PCDH15: variants seen among roughly 807,000 people sequenced by gnomAD.
The protein encoded by PCDH15 is protocadherin related 15.
In PCDH15, 129 loss-of-function variants were observed where a neutral mutation model predicts 178.5. That is an observed-to-expected ratio of 0.72 (90% CI 0.63 to 0.84). The LOEUF (loss-of-function observed/expected upper bound fraction) is 0.84, where lower values mean the gene tolerates loss of function less well. PCDH15 is among the 40% of genes least tolerant of loss of function. The pLI is 0.00. For missense variants in PCDH15, 2,230 were observed against 2,099.9 expected (o/e 1.06, Z -1.21); for synonymous variants, 800 against 732.0 (o/e 1.09, Z -1.50).
intron 15 of PCDH15, among the ~76,000 whole-genome samples, chr10:54,101,460 C>T (rs999379592): frequency 2.0e-5 from 3 of 152,134 alleles, no homozygotes; most frequent in Admixed American, 2.0e-4. Context: ...ACACAATTCA[C>T]AACTAATACT....
At chr10:54,085,903 G>A (rs2094507405) in intron 16 of PCDH15, among the ~76,000 whole-genome samples, 1 of 152,020 alleles carries the variant, frequency 6.6e-6, no homozygotes, top group African/African-American at 2.4e-5. Context: ...TTGCATTATA[G>A]CATAAAATAA....
At chr10:54,926,572 G>A (rs887172129) in intron 2 of PCDH15, among the ~76,000 whole-genome samples, 4 of 151,834 alleles carry the variant, frequency 2.6e-5, no homozygotes, top group Non-Finnish European at 5.9e-5. Flanking sequence ...CTTTGAATCT[G>A]GCTGGTGCTG....
chr10:53,886,578 T>C lies in PCDH15; in HGVS notation c.3501+16665A>G, dbSNP rs950715514. On this transcript the variant is annotated intron_variant, in intron 26 of 37. Coordinates refer to ENST00000644397, the MANE Select transcript of PCDH15 (RefSeq NM_001384140.1). ...GGGGCAGGAGCTGCTAGTCGTTTCC[T>C]GCCCACATGTATGCCTCTTTTTTTT... 1.5e-4 allele frequency among the ~76,000 whole-genome samples: 22 copies of C among 149,586 alleles called. 1 individual carries two copies. Among genetic ancestry groups the C allele is most frequent in the Admixed American group, 1.4e-3 (21 of 14,816 alleles).
chr10:54,028,710 T>C (rs868012985), intron 18 of PCDH15, among the ~76,000 whole-genome samples: 5 of 149,672 alleles, frequency 3.3e-5, no homozygotes, highest in African/African-American at 1.2e-4. Context: ...ACACCGCATA[T>C]TGTCACTCAT....
intron 14 of PCDH15, among the ~76,000 whole-genome samples, chr10:54,144,727 G>A (rs1368449764): frequency 5.9e-5 from 9 of 152,170 alleles, no homozygotes; most frequent in Admixed American, 2.0e-4. Context: ...TGGTGTTTTC[G>A]TAATAATCTT....
rs1221944255 is a variant in PCDH15, at chr10:54,369,181, C to G, written c.413G>C (p.Arg138Thr). The change falls in exon 5 of 38, where the codon AGA becomes ACA. Residue 138 changes from arginine to threonine, a missense_variant. Coordinates refer to ENST00000644397, the MANE Select transcript of PCDH15 (RefSeq NM_001384140.1). Reference sequence around the variant, plus strand: ...AGTGGGTGAGTTGTCATTCCTGTCTCTCACCACTATTCGCACTTCATGGTA... The same window carrying G: ...AGTGGGTGAGTTGTCATTCCTGTCTGTCACCACTATTCGCACTTCATGGTA... ...IIYHEVRIVVRDRNDNSPTFK... is the reference protein window; with the variant it reads ...IIYHEVRIVVTDRNDNSPTFK... 1.2e-6 allele frequency: 2 copies of G among 1,612,920 alleles called. No homozygotes were observed. The highest frequency in any genetic ancestry group is 2.7e-5 in the African/African-American group (2 of 74,818).
intron 1 of PCDH15, among the ~76,000 whole-genome samples, chr10:54,724,851 T>C (rs944935285): frequency 6.6e-6 from 1 of 150,944 alleles, no homozygotes; most frequent in African/African-American, 2.4e-5. Flanking sequence ...TTATATTGCA[T>C]AGTGGTGGGG....
chr10:54,611,288 T>A (rs544807510), intron 2 of PCDH15, among the ~76,000 whole-genome samples: 54 of 151,694 alleles, frequency 3.6e-4, no homozygotes, highest in Non-Finnish European at 6.8e-4. Flanking sequence ...TTTATTTTTT[T>A]AAAAAAAACC....
At chr10:55,415,616 T>G (rs1838461290) in intron 2 of PCDH15, among the ~76,000 whole-genome samples, 1 of 151,708 alleles carries the variant, frequency 6.6e-6, no homozygotes, top group Admixed American at 6.6e-5. Context: ...ATTTTCAAGT[T>G]AGATCATATT....
At chr10:54,279,917 G>A (rs1421559653) in intron 8 of PCDH15, among the ~76,000 whole-genome samples, 3 of 151,670 alleles carry the variant, frequency 2.0e-5, no homozygotes, top group Non-Finnish European at 4.4e-5. Context: ...ATGGTGCTTT[G>A]AGACTTTCCT....
chr10:55,429,912 T>C (rs1322923483), intron 2 of PCDH15, among the ~76,000 whole-genome samples: 1 of 152,202 alleles, frequency 6.6e-6, no homozygotes, highest in African/African-American at 2.4e-5. Context: ...CTTAATAATA[T>C]ATAGTTTTAA....
At chr10:53,820,927 GT>G (rs1197011762) in intron 32 of PCDH15, among the ~76,000 whole-genome samples, 1 of 151,838 alleles carries the variant, frequency 6.6e-6, no homozygotes, top group East Asian at 1.9e-4. Flanking sequence ...ACTTCTCTTG[GT>G]TTTTCTATTT....
rs1472960270 is a variant in PCDH15 at position 54,160,004 on chromosome 10, T to C, written c.1591-6711A>G. On this transcript the variant is annotated intron_variant, in intron 13 of 37. Coordinates refer to ENST00000644397, the MANE Select transcript of PCDH15 (RefSeq NM_001384140.1). ...TTTTAACTTAAAGGAAGCACTTTCA[T>C]AGCTTCTCTTTGATATATATGAATT... 2.0e-5 allele frequency among the ~76,000 whole-genome samples: 3 copies of C among 152,330 alleles called. No individual in the cohort carries two copies. In the East Asian group the frequency reaches 5.8e-4, roughly 29 times the overall value.
rs1162461137 is a variant in PCDH15 at position 54,132,899 on chromosome 10, A to G, written c.1893T>C (p.Val631=). ...CCTGTAGATTTAATAAAACAGCACC[A>G]ACCCTCATGGCTTCACTAATTTCAA... The part of the protein sequence containing the change: ...YSLEISEAMR[V]GAVLLNLQAT... The change falls in exon 15 of 38, where the codon GTT becomes GTC. Residue 631 remains valine (V), a synonymous_variant. Transcript: ENST00000644397. 6.2e-7 allele frequency: 1 copy of G among 1,613,854 alleles called. No homozygotes were observed. The highest frequency in any genetic ancestry group is 1.7e-5 in the Admixed American group (1 of 59,982).
intron 8 of PCDH15, among the ~76,000 whole-genome samples, chr10:54,306,817 T>C (rs780598192): frequency 2.0e-5 from 3 of 150,870 alleles, no homozygotes; most frequent in Non-Finnish European, 4.4e-5. Flanking sequence ...ATCCTGTCTA[T>C]ACAGTCATGC....
chr10:55,250,086 T>C (rs911722674), intron 1 of PCDH15, among the ~76,000 whole-genome samples: 34 of 152,098 alleles, frequency 2.2e-4, no homozygotes, highest in Non-Finnish European at 3.5e-4. Flanking sequence ...AGTAATTTTG[T>C]TTTTCTTATT....
intron 2 of PCDH15, among the ~76,000 whole-genome samples, chr10:55,031,894 C>A (rs185471717): frequency 7.0e-4 from 106 of 151,982 alleles, no homozygotes; most frequent in African/African-American, 2.4e-3. Flanking sequence ...CCAGTCTGTA[C>A]ACACACACAC....
chr10:55,217,661 T>C (rs1028643091), intron 1 of PCDH15, among the ~76,000 whole-genome samples: 1 of 151,832 alleles, frequency 6.6e-6, no homozygotes, highest in Non-Finnish European at 1.5e-5. Flanking sequence ...TACTAGCTAA[T>C]ATACAACAGA....
chr10:54,833,377 G>C (rs1953259080), intron 3 of PCDH15, among the ~76,000 whole-genome samples: 1 of 152,152 alleles, frequency 6.6e-6, no homozygotes. Context: ...TAGTAACTTT[G>C]AGTAAAGCAG....
Sources: allele counts gnomAD v4.1 joint callset (sites outside exome capture counted in the v4.1 genomes callset), GRCh38; gene constraint gnomAD v4.1.1; transcripts MANE v1.5; gene names NCBI Gene and HGNC (gene_info 2026-07-23, HGNC 2026-07-21).